The following SYT1 variants were observed in gnomAD, a reference collection of about 807,000 sequenced individuals.
SYT1 encodes the protein synaptotagmin-1.
SYT1 carries 8 observed loss-of-function variants against 44.8 expected under a neutral mutation model. The observed-to-expected ratio is 0.18, with a 90% confidence interval of 0.10 to 0.32. SYT1 has a LOEUF of 0.32. SYT1 is among the 10% of genes least tolerant of loss of function. SYT1 has a pLI of 1.00. For missense variants in SYT1, 286 were observed against 509.3 expected (o/e 0.56, Z 4.22); for synonymous variants, 154 against 188.8 (o/e 0.82, Z 1.51).
intron 2 of SYT1, among the ~76,000 whole-genome samples, chr12:78,984,275 G>A (rs1869488287): frequency 6.6e-6 from 1 of 151,852 alleles, no homozygotes. Flanking sequence ...TAAAAATTCA[G>A]AGCACCCTAG....
At chr12:79,019,633 G>T (rs545935294) in intron 2 of SYT1, among the ~76,000 whole-genome samples, 1 of 151,820 alleles carries the variant, frequency 6.6e-6, no homozygotes, top group Non-Finnish European at 1.5e-5. Context: ...TTTTAACTTC[G>T]ATGGGAAAAA....
At chr12:79,096,180 T>G (rs1213840063) in intron 3 of SYT1, among the ~76,000 whole-genome samples, 1 of 151,980 alleles carries the variant, frequency 6.6e-6, no homozygotes, top group Non-Finnish European at 1.5e-5. Context: ...CTTTCTTTAA[T>G]TCCCTTTTCC....
intron 9 of SYT1, among the ~76,000 whole-genome samples, chr12:79,410,506 C>CAAAAAAAAAAAAAAAAA (rs5799432): frequency 2.6e-5 from 2 of 75,916 alleles, no homozygotes; most frequent in African/African-American, 5.7e-5. Context: ...TGTTCAAAGT[C>CAAAAAAAAAAAAAAAAA]AAAAAAAAAA....
chr12:78,888,558 T>G (rs1221772316), intron 1 of SYT1, among the ~76,000 whole-genome samples: 1 of 151,964 alleles, frequency 6.6e-6, no homozygotes, highest in Admixed American at 6.6e-5. Context: ...TGCTGGACAC[T>G]TAGAAATGTC....
At chr12:79,073,432 A>G (rs906015333) in intron 3 of SYT1, among the ~76,000 whole-genome samples, 2 of 152,154 alleles carry the variant, frequency 1.3e-5, no homozygotes, top group African/African-American at 4.8e-5. Flanking sequence ...CTTTGGAGAA[A>G]ATAAGGCAAG....
intron 9 of SYT1, among the ~76,000 whole-genome samples, chr12:79,364,732 T>C (rs1883469365): frequency 6.6e-6 from 1 of 152,154 alleles, no homozygotes; most frequent in Admixed American, 6.5e-5. Context: ...CTGATTTCAG[T>C]CAACAATATG....
chr12:79,432,490 C>T (rs2136181482), intron 9 of SYT1, among the ~76,000 whole-genome samples: 1 of 152,076 alleles, frequency 6.6e-6, no homozygotes, highest in Non-Finnish European at 1.5e-5. Flanking sequence ...TGAACATTAT[C>T]ACTTTTTCTA....
intron 6 of SYT1, among the ~76,000 whole-genome samples, chr12:79,295,353 A>G (rs1879830154): frequency 6.6e-6 from 1 of 152,196 alleles, no homozygotes; most frequent in Admixed American, 6.5e-5. Flanking sequence ...GAAATGTAAT[A>G]GTTCTGTGGT....
At chr12:79,368,860 C>G (rs1216571823) in intron 9 of SYT1, among the ~76,000 whole-genome samples, 1 of 152,204 alleles carries the variant, frequency 6.6e-6, no homozygotes, top group Non-Finnish European at 1.5e-5. Context: ...CCTGTTCACT[C>G]TGATGGTAGT....
intron 2 of SYT1, among the ~76,000 whole-genome samples, chr12:79,022,947 A>C (rs1872292801): frequency 6.6e-6 from 1 of 151,800 alleles, no homozygotes; most frequent in East Asian, 1.9e-4. Context: ...TTTAGATAAA[A>C]TCTTGCTTCC....
At chr12:79,437,789 T>C (rs1258528058) in intron 9 of SYT1, among the ~76,000 whole-genome samples, 1 of 152,106 alleles carries the variant, frequency 6.6e-6, no homozygotes, top group Admixed American at 6.6e-5. Context: ...GAGGTAGCAA[T>C]AATATTGGAA....
At chr12:79,433,137 G>C (rs539331897) in intron 9 of SYT1, among the ~76,000 whole-genome samples, 59 of 152,222 alleles carry the variant, frequency 3.9e-4, no homozygotes, top group African/African-American at 1.1e-3. Flanking sequence ...CTAATTCTTA[G>C]ATGGCAGAAT....
intron 8 of SYT1, among the ~76,000 whole-genome samples, chr12:79,349,062 G>A (rs1400416870): frequency 1.2e-3 from 151 of 129,522 alleles, no homozygotes; most frequent in African/African-American, 4.7e-3. Context: ...AGAAAGGAGG[G>A]AGGGAGGGAG....
chr12:78,973,938 AAT>A (rs869290804), intron 1 of SYT1, among the ~76,000 whole-genome samples: 96 of 25,322 alleles, frequency 3.8e-3, no homozygotes, highest in Admixed American at 4.6e-3. Context: ...AAAAAAAAAA[AAT>A]ATATATATAT....
chr12:79,061,162 C>T (rs573886882), intron 3 of SYT1, among the ~76,000 whole-genome samples: 146 of 152,070 alleles, frequency 9.6e-4, no homozygotes, highest in Non-Finnish European at 1.7e-3. Context: ...TTCTAATCAG[C>T]GTATTATGGA....
chr12:79,201,402 A>G (rs1441284361), intron 3 of SYT1, among the ~76,000 whole-genome samples: 1 of 152,210 alleles, frequency 6.6e-6, no homozygotes, highest in African/African-American at 2.4e-5. Flanking sequence ...GAAATTGACA[A>G]AAATACTTTC....
At chr12:79,195,032 A>G (rs907906106) in intron 3 of SYT1, among the ~76,000 whole-genome samples, 1 of 152,208 alleles carries the variant, frequency 6.6e-6, no homozygotes, top group African/African-American at 2.4e-5. Context: ...AACACAAATA[A>G]GCGAGAAAAT....
intron 6 of SYT1, among the ~76,000 whole-genome samples, chr12:79,293,634 A>G (rs10861799): frequency 0.26 from 40,207 of 152,086 alleles, 6,213 homozygotes; most frequent in East Asian, 0.58. Context: ...CAAAGTCAGT[A>G]ATGCTGTGAG....
intron 3 of SYT1, among the ~76,000 whole-genome samples, chr12:79,179,053 T>G (rs1361388689): frequency 4.7e-5 from 4 of 84,412 alleles, no homozygotes; most frequent in African/African-American, 1.4e-4. Flanking sequence ...TATAGATATA[T>G]AGATATAGAT....
Sources: gnomAD v4.1 joint callset for allele counts (sites outside exome capture counted in the v4.1 genomes callset) on GRCh38, gnomAD v4.1.1 for gene constraint, MANE v1.5 for transcripts, NCBI Gene and HGNC (gene_info 2026-07-23, HGNC 2026-07-21) for gene names.